LAMA2: variants seen among roughly 807,000 people sequenced by gnomAD.
LAMA2 encodes the protein laminin subunit alpha-2.
LAMA2 carries 269 observed loss-of-function variants against 364.8 expected under a neutral mutation model. The ratio of observed to expected loss-of-function variants is 0.74; its 90% confidence interval spans 0.67 to 0.82. LAMA2 has a LOEUF of 0.82. LAMA2 is among the 40% of genes least tolerant of loss of function. The pLI, the probability that LAMA2 is intolerant of heterozygous loss-of-function variation, is 0.00. For missense variants in LAMA2, 3,807 were observed against 3,873.2 expected (o/e 0.98, Z 0.45); for synonymous variants, 1,379 against 1,370.6 (o/e 1.01, Z -0.14).
intron 6 of LAMA2, among the ~76,000 whole-genome samples, chr6:129,147,877 T>G (rs1015598312): frequency 6.6e-6 from 1 of 152,156 alleles, no homozygotes; most frequent in Non-Finnish European, 1.5e-5. Flanking sequence ...TGGGCAAAGC[T>G]GCAGTGCTGC....
chr6:128,975,520 G>C (rs1782475594), intron 1 of LAMA2, among the ~76,000 whole-genome samples: 1 of 152,166 alleles, frequency 6.6e-6, no homozygotes, highest in Admixed American at 6.5e-5. Context: ...GGAGGACAAA[G>C]AGGCAGCAGG....
intron 14 of LAMA2, among the ~76,000 whole-genome samples, chr6:129,259,715 C>A (rs191399258): frequency 6.6e-6 from 1 of 151,932 alleles, no homozygotes; most frequent in Admixed American, 6.6e-5. Flanking sequence ...AGTTTATATT[C>A]ATTTCCTTTT....
intron 1 of LAMA2, among the ~76,000 whole-genome samples, chr6:128,918,400 A>G (rs1025761018): frequency 5.3e-5 from 8 of 152,206 alleles, no homozygotes; most frequent in Non-Finnish European, 1.0e-4. Context: ...ATACATTTTT[A>G]TCATAAAAAT....
chr6:128,896,362 A>G (rs959344855), intron 1 of LAMA2, among the ~76,000 whole-genome samples: 2 of 150,842 alleles, frequency 1.3e-5, no homozygotes, highest in African/African-American at 4.9e-5. Context: ...ATTACTTTGG[A>G]ATCCATGTCC....
chr6:129,166,084 C>G (rs1366766676), intron 9 of LAMA2, among the ~76,000 whole-genome samples: 1 of 152,018 alleles, frequency 6.6e-6, no homozygotes, highest in Non-Finnish European at 1.5e-5. Context: ...GTGGGAAAAG[C>G]AAATAGAAGA....
At chr6:129,367,810 C>T (rs1049387294) in intron 33 of LAMA2, among the ~76,000 whole-genome samples, 1 of 152,130 alleles carries the variant, frequency 6.6e-6, no homozygotes, top group Non-Finnish European at 1.5e-5. Context: ...ACAGAAACTC[C>T]AAGAAATAGG....
intron 12 of LAMA2, among the ~76,000 whole-genome samples, chr6:129,244,777 G>A (rs1583327483): frequency 6.6e-6 from 1 of 152,088 alleles, no homozygotes. Flanking sequence ...ATTCTTTTAT[G>A]AAGCTTAGTT....
At chr6:128,994,667 G>C (rs995460258) in intron 1 of LAMA2, among the ~76,000 whole-genome samples, 12 of 152,054 alleles carry the variant, frequency 7.9e-5, no homozygotes, top group Non-Finnish European at 1.2e-4. Context: ...TAGAAATTTA[G>C]TAATAATGAA....
At chr6:128,973,000 A>G (rs1228123939) in intron 1 of LAMA2, among the ~76,000 whole-genome samples, 1 of 152,178 alleles carries the variant, frequency 6.6e-6, no homozygotes, top group East Asian at 1.9e-4. Context: ...GGCAACTATG[A>G]CAGAGTTGAA....
intron 1 of LAMA2, among the ~76,000 whole-genome samples, chr6:128,916,764 G>C (rs1778344298): frequency 6.6e-6 from 1 of 152,236 alleles, no homozygotes; most frequent in African/African-American, 2.4e-5. Flanking sequence ...CTTAGGGCTA[G>C]AGGTGAGTCT....
chr6:128,974,573 T>A (rs907191431), intron 1 of LAMA2, among the ~76,000 whole-genome samples: 1 of 152,234 alleles, frequency 6.6e-6, no homozygotes, highest in African/African-American at 2.4e-5. Flanking sequence ...AAAGTTCACA[T>A]GCAGTTTTCA....
Position 128,883,202 on chromosome 6 carries a change from ACTC to A in LAMA2, c.-40_-38del. The A allele has an allele frequency of 6.5e-7, 1 of 1,536,234 alleles. No individual in the cohort carries two copies. Among genetic ancestry groups the A allele is most frequent in the Non-Finnish European group, 8.8e-7 (1 of 1,139,222 alleles). On this transcript the variant is annotated 5_prime_UTR_variant, in exon 1 of 65. Transcript: ENST00000421865. ...AAGGCCAGGGGACAGGGCGGCAGCG[ACTC>A]CTCTGGCTCCCGAGAAGTGGATCCG...
intron 29 of LAMA2, among the ~76,000 whole-genome samples, chr6:129,340,648 CA>C (rs1222359515): frequency 6.6e-6 from 1 of 151,588 alleles, no homozygotes; most frequent in Non-Finnish European, 1.5e-5. Context: ...CCAGCCTGGC[CA>C]ACATGGTGAA....
intron 52 of LAMA2, 129 bp from the exon 53 acceptor site, chr6:129,475,260 CT>C (rs1784010631): frequency 3.3e-6 from 2 of 599,292 alleles, no homozygotes; most frequent in Admixed American, 3.0e-5. Flanking sequence ...CATTTCTTTC[CT>C]TTGTAGATCC....
chr6:129,328,383 C>A lies in LAMA2; in HGVS notation c.4282C>A (p.Leu1428Met), dbSNP rs1289838378. Reference sequence around the variant, plus strand: ...ATGTCAATGTAATGGACACAGCAGCCTGTGTGACCCTGAAACATCGATATG... The same window carrying A: ...ATGTCAATGTAATGGACACAGCAGCATGTGTGACCCTGAAACATCGATATG... ...VPCQCNGHSSLCDPETSICQN... is the reference protein window; with the variant it reads ...VPCQCNGHSSMCDPETSICQN... Residue 1428 changes from leucine to methionine, a missense_variant, in exon 29 of 65, where the codon CTG becomes ATG. Physicochemically the swap from Leu to Met is conservative, Grantham distance 15. This residue lies in a region of LAMA2 where 3,333 missense variants were observed against 3,345.7 expected (regional missense o/e 1.00). Transcript: ENST00000421865. 6.2e-7 allele frequency: 1 copy of A among 1,614,192 alleles called. No individual in the cohort carries two copies. Among genetic ancestry groups the A allele is most frequent in the Non-Finnish European group, 8.5e-7 (1 of 1,180,020 alleles).
intron 37 of LAMA2, among the ~76,000 whole-genome samples, chr6:129,396,639 G>C (rs1232731563): frequency 6.6e-6 from 1 of 152,136 alleles, no homozygotes. Flanking sequence ...GTCATGGGAA[G>C]AAAAGAGAAG....
chr6:129,471,270 C>A (rs959635248), intron 51 of LAMA2, among the ~76,000 whole-genome samples: 1 of 151,904 alleles, frequency 6.6e-6, no homozygotes, highest in African/African-American at 2.4e-5. Context: ...GAACCCACTT[C>A]ATCGCTATCA....
At chr6:129,174,313 C>T (rs1780421866) in intron 9 of LAMA2, among the ~76,000 whole-genome samples, 2 of 151,856 alleles carry the variant, frequency 1.3e-5, no homozygotes, top group African/African-American at 4.8e-5. Flanking sequence ...TTTTCCAATA[C>T]TCTTTTTTAC....
At chr6:129,240,729 T>C (rs1785343079) in intron 12 of LAMA2, among the ~76,000 whole-genome samples, 1 of 152,202 alleles carries the variant, frequency 6.6e-6, no homozygotes, top group Admixed American at 6.5e-5. Flanking sequence ...AGAGAGTATG[T>C]TGTTTGCCTA....
Sources: allele counts gnomAD v4.1 joint callset (sites outside exome capture counted in the v4.1 genomes callset), GRCh38; gene constraint gnomAD v4.1.1; regional missense constraint gnomAD v4.1.1; transcripts MANE v1.5; gene names NCBI Gene and HGNC (gene_info 2026-07-23, HGNC 2026-07-21).